WDR59: variants seen among roughly 807,000 people sequenced by gnomAD.
WDR59 encodes WD repeat domain 59, also known as GATOR2 complex protein WDR59.
Under a neutral mutation model 131.2 loss-of-function variants are expected in WDR59, and 100 were observed. That is an observed-to-expected ratio of 0.76 (90% CI 0.65 to 0.90). The LOEUF is 0.90. Among genes scored for constraint, WDR59 ranks in the 40% least tolerant of loss-of-function variants. The probability of loss-of-function intolerance (pLI) is 0.00; values close to 1 mark genes in which losing one functional copy is unlikely to be tolerated. For missense variants in WDR59, 1,203 were observed against 1,262.2 expected (o/e 0.95, Z 0.71); for synonymous variants, 601 against 466.2 (o/e 1.29, Z -3.72).
chr16:74,882,807 C>CAAAAAAAA (rs569507124), intron 25 of WDR59, among the ~76,000 whole-genome samples: 45 of 51,418 alleles, frequency 8.8e-4, no homozygotes, highest in African/African-American at 1.6e-3. Context: ...AACACTGTCT[C>CAAAAAAAA]AAAAAAAAAA....
Position 74,872,692 on chromosome 16 carries a change from A to T in WDR59, c.*1517T>A, listed in dbSNP as rs1964032777. On this transcript the variant is annotated 3_prime_UTR_variant, in exon 26 of 26. Transcript: ENST00000262144. The stretch of plus-strand genomic sequence containing the variant: ...AGTTTGCGAGGGAGCCTAAAGGAAG[A>T]GTGAGGGCACTCACTGGAACCCAGC... 6.6e-6 allele frequency: 1 copy of T among 152,246 alleles called. No homozygotes were observed. The highest frequency in any genetic ancestry group is 1.9e-4 in the East Asian group (1 of 5,186). 9.4% of individuals were successfully genotyped at this position (152,246 alleles called of 1,614,324 possible).
At chr16:74,979,309 C>CA (rs1411975709) in intron 1 of WDR59, among the ~76,000 whole-genome samples, 2 of 151,260 alleles carry the variant, frequency 1.3e-5, no homozygotes, top group African/African-American at 4.9e-5. Flanking sequence ...CTAAAAAATA[C>CA]AAAAAAATTA....
intron 2 of WDR59, among the ~76,000 whole-genome samples, chr16:74,961,857 C>T (rs987376865): frequency 5.3e-5 from 8 of 152,168 alleles, no homozygotes; most frequent in Non-Finnish European, 1.2e-4. Context: ...GTCATAAAAT[C>T]TTTGCCCATG....
chr16:74,968,610 G>T (rs2033865473), intron 1 of WDR59, among the ~76,000 whole-genome samples: 1 of 152,018 alleles, frequency 6.6e-6, no homozygotes, highest in African/African-American at 2.4e-5. Context: ...AGTCCCAGCT[G>T]CTCAGGAGGC....
At chr16:74,877,708 C>T (rs1227796904) in intron 25 of WDR59, among the ~76,000 whole-genome samples, 1 of 152,118 alleles carries the variant, frequency 6.6e-6, no homozygotes, top group Non-Finnish European at 1.5e-5. Flanking sequence ...ACATGCCCGG[C>T]TAATTTCTGT....
At chr16:74,919,981 G>T (rs1286746243) in intron 10 of WDR59, among the ~76,000 whole-genome samples, 2 of 151,646 alleles carry the variant, frequency 1.3e-5, no homozygotes. Context: ...TGAGGTGGAA[G>T]CACTGCTCGA....
chr16:74,912,064 C>T (rs1362127266), intron 14 of WDR59, 134 bp downstream of exon 14: 4 of 1,204,808 alleles, frequency 3.3e-6, no homozygotes, highest in Admixed American at 2.1e-5. Flanking sequence ...TCAGAGGTTA[C>T]GTTGCTAATA....
chr16:74,917,829 A>AG, intron 11 of WDR59, 100 bp downstream of exon 11: 1 of 1,011,316 alleles, frequency 9.9e-7, no homozygotes, highest in South Asian at 1.6e-5. Context: ...AAAAAAAAAA[A>AG]AAATTGTTTA....
In WDR59 at chr16:74,893,763, C is replaced by A; in HGVS notation, c.1916G>T (p.Arg639Leu). 1.2e-6 allele frequency: 2 copies of A among 1,614,148 alleles called. No homozygotes were observed. Among genetic ancestry groups the A allele is most frequent in the South Asian group, 1.1e-5 (1 of 91,088 alleles). ...SKREGSDSGN[R>L]QIKAAGKVII... ...GACTTTCCCAGCAGCCTTGATCTGT[C>A]GATTGCCAGAGTCTGATCCCTCACG... The change falls in exon 19 of 26, where the codon CGA becomes CTA. Residue 639 changes from arginine to leucine, a missense_variant. Arg to Leu is a moderately radical substitution (Grantham distance 102). Coordinates refer to ENST00000262144, the MANE Select transcript of WDR59 (RefSeq NM_030581.4).
chr16:74,966,272 GA>G (rs2033771194), intron 1 of WDR59, among the ~76,000 whole-genome samples: 1 of 152,070 alleles, frequency 6.6e-6, no homozygotes, highest in African/African-American at 2.4e-5. Flanking sequence ...CTGAGGTCAG[GA>G]GTTCAAGACC....
chr16:74,965,877 G>A lies in WDR59; in HGVS notation c.55-55C>T, dbSNP rs181756331. 2.7e-3 allele frequency: 4,321 copies of A among 1,599,108 alleles called. 11 individuals are homozygous for A. The highest frequency in any genetic ancestry group is 3.1e-3 in the Non-Finnish European group (3,615 of 1,166,762). ...CCAGCAAACCCAGCCGGGGATAGAA[G>A]GCAGAGGTCTCTGTGGCTCTTCCTC... On this transcript the variant is annotated intron_variant, in intron 1 of 25. Transcript: ENST00000262144.
At chr16:74,880,340 G>A (rs572860010) in intron 25 of WDR59, among the ~76,000 whole-genome samples, 13 of 152,186 alleles carry the variant, frequency 8.5e-5, no homozygotes, top group African/African-American at 3.1e-4. Context: ...CCAGTTACTC[G>A]GGAGGCTGAG....
intron 10 of WDR59, among the ~76,000 whole-genome samples, chr16:74,920,190 A>C (rs1473222478): frequency 6.6e-6 from 1 of 152,154 alleles, no homozygotes; most frequent in Non-Finnish European, 1.5e-5. Flanking sequence ...TCAACTTACA[A>C]TTTTTTGACT....
At chr16:74,944,662 T>G (rs1414352242) in intron 6 of WDR59, among the ~76,000 whole-genome samples, 1 of 151,958 alleles carries the variant, frequency 6.6e-6, no homozygotes, top group Non-Finnish European at 1.5e-5. Context: ...ACTCGGGGTA[T>G]GCTAGATCCA....
At chr16:74,902,531 A>AC (rs932126144) in intron 18 of WDR59, among the ~76,000 whole-genome samples, 2 of 152,006 alleles carry the variant, frequency 1.3e-5, no homozygotes, top group Non-Finnish European at 2.9e-5. Context: ...GGCTTTACAC[A>AC]CCCCCACAAA....
At chr16:74,877,239 C>T (rs1412675134) in intron 25 of WDR59, among the ~76,000 whole-genome samples, 1 of 143,122 alleles carries the variant, frequency 7.0e-6, no homozygotes, top group East Asian at 1.9e-4. Context: ...TATCTCAAAA[C>T]ACACACACAC....
At chr16:74,884,381 C>G (rs1964655888) in intron 25 of WDR59, among the ~76,000 whole-genome samples, 2 of 152,222 alleles carry the variant, frequency 1.3e-5, no homozygotes, top group South Asian at 4.1e-4. Flanking sequence ...CAGAGTCTCG[C>G]TCTGTCACCC....
intron 8 of WDR59, among the ~76,000 whole-genome samples, chr16:74,928,578 G>GTAGGATAA (rs2031090677): frequency 6.6e-6 from 1 of 151,818 alleles, no homozygotes; most frequent in South Asian, 2.1e-4. Flanking sequence ...ATTGAAAGAA[G>GTAGGATAA]TTATGCAATT....
Position 74,892,541 on chromosome 16 carries a change from T to C in WDR59, c.2025A>G (p.Glu675=), listed in dbSNP as rs1965094806. Residue 675 remains glutamate, a synonymous_variant, in exon 20 of 26, where the codon GAA becomes GAG. Transcript: ENST00000262144. ...LYILNVNDIQ[E]TCQKNAASAL... is the part of the protein sequence containing the mutation. ...CAGAGGCGGCATTCTTCTGACATGT[T>C]TCCTGAATATCATTCACATTCAATC... 6.2e-7 allele frequency: 1 copy of C among 1,613,686 alleles called. No individual in the cohort carries two copies. The highest frequency in any genetic ancestry group is 8.5e-7 in the Non-Finnish European group (1 of 1,179,938).
Sources: allele counts gnomAD v4.1 joint callset (sites outside exome capture counted in the v4.1 genomes callset), GRCh38; gene constraint gnomAD v4.1.1; transcripts MANE v1.5; gene names NCBI Gene and HGNC (gene_info 2026-07-23, HGNC 2026-07-21).